ZNF827: variants seen among roughly 807,000 people sequenced by gnomAD.
The protein encoded by ZNF827 is zinc finger protein 827.
ZNF827 carries 13 observed loss-of-function variants against 102.4 expected under a neutral mutation model. That is an observed-to-expected ratio of 0.13 (90% confidence interval 0.08 to 0.20). The LOEUF (loss-of-function observed/expected upper bound fraction) is 0.20, where lower values mean the gene tolerates loss of function less well. Ranked by LOEUF, ZNF827 falls within the 10% of genes least tolerant of loss-of-function variation. ZNF827 has a pLI of 1.00. For synonymous variants in ZNF827, 523 were observed against 536.2 expected (o/e 0.98, Z 0.34); for missense variants, 1,103 against 1,344.4 (o/e 0.82, Z 2.81).
rs1368248573 is a variant in ZNF827 at position 145,846,462 on chromosome 4, A to T, written c.2222-449T>A. On this transcript the variant is annotated intron_variant, in intron 6 of 14. Transcript: ENST00000508784. ...CACTACACTCCAGCCTGAGCAACAG[A>T]GCAAGACTCTGTCTCAAACAAACAA... is the stretch of plus-strand genomic sequence containing the variant. 1.3e-5 allele frequency among the ~76,000 whole-genome samples: 2 copies of T among 149,500 alleles called. 1 individual carries two copies. Among genetic ancestry groups the T allele is most frequent in the East Asian group, 4.0e-4 (2 of 5,016 alleles).
chr4:145,778,315 G>A (rs1407668027), intron 9 of ZNF827, among the ~76,000 whole-genome samples: 2 of 152,154 alleles, frequency 1.3e-5, no homozygotes, highest in African/African-American at 4.8e-5. Context: ...TGTATTTTTA[G>A]TAGAGATGGG....
At chr4:145,794,281 C>T (rs1740149709) in intron 8 of ZNF827, among the ~76,000 whole-genome samples, 1 of 152,174 alleles carries the variant, frequency 6.6e-6, no homozygotes, top group African/African-American at 2.4e-5. Flanking sequence ...CAGTGTATGG[C>T]TGCTTTTTCA....
intron 8 of ZNF827, among the ~76,000 whole-genome samples, chr4:145,809,094 CCCAGCCTAGCGT>C (rs1454531761): frequency 2.0e-5 from 3 of 152,226 alleles, no homozygotes; most frequent in Admixed American, 6.5e-5. Flanking sequence ...AGCCACTGTG[CCCAGCCTAGCGT>C]CATATTTAAA....
At position 145,761,546 on chromosome 4, in the gene ZNF827, G is replaced by A. The variant is rs954140426; in HGVS notation, c.*70C>T. The A allele has an allele frequency of 2.3e-6, 3 of 1,285,382 alleles. No individual in the cohort carries two copies. Among genetic ancestry groups the A allele is most frequent in the Non-Finnish European group, 3.0e-6 (3 of 985,578 alleles). 79.6% of individuals were successfully genotyped at this position (1,285,382 alleles called of 1,614,324 possible). On this transcript the variant is annotated 3_prime_UTR_variant, in exon 15 of 15. Coordinates refer to ENST00000508784, the MANE Select transcript of ZNF827 (RefSeq NM_001306215.2). This position sits in a 1 kb window ranked among gnomAD's most constrained non-coding sequence, Gnocchi z 6.8. ...TACTCCATCTTGTAGTGGGTCTTGAGGTGGCACTCCATGGCAGCGGGGCGG... is the reference window on the plus strand; with the variant it reads ...TACTCCATCTTGTAGTGGGTCTTGAAGTGGCACTCCATGGCAGCGGGGCGG...
intron 7 of ZNF827, among the ~76,000 whole-genome samples, chr4:145,841,443 C>G (rs1285823842): frequency 2.0e-5 from 3 of 152,102 alleles, no homozygotes; most frequent in Admixed American, 6.5e-5. Flanking sequence ...AGAACCTAGG[C>G]TTGTGCTGGG....
At position 145,922,552 on chromosome 4, in the gene ZNF827, T is replaced by C. The variant is rs534493858; in HGVS notation, c.43+15813A>G. ...TGCCAGTTTCACTTAAGAATGTCTT[T>C]GATGAAGCAGTAAAAATTATTTTCA... On this transcript the variant is annotated intron_variant, in intron 1 of 14. Transcript: ENST00000508784. Among the ~76,000 whole-genome samples the C allele has an allele frequency of 7.8e-4, 119 of 152,326 alleles. 1 individual carries two copies. The highest frequency in any genetic ancestry group is 2.7e-3 in the African/African-American group (113 of 41,564).
chr4:145,764,859 C>CT (rs1560887131), intron 13 of ZNF827, 129 bp downstream of exon 13: 2 of 1,293,638 alleles, frequency 1.5e-6, no homozygotes, highest in Non-Finnish European at 2.2e-6. Flanking sequence ...GGGTTCCTGA[C>CT]TAACTCCTCT....
chr4:145,830,198 G>A (rs2126537144), intron 7 of ZNF827, among the ~76,000 whole-genome samples: 1 of 152,128 alleles, frequency 6.6e-6, no homozygotes, highest in East Asian at 1.9e-4. Context: ...GAACAAACCG[G>A]AAATGTTTTC....
intron 2 of ZNF827, among the ~76,000 whole-genome samples, chr4:145,892,998 T>C (rs1750723654): frequency 6.6e-6 from 1 of 152,250 alleles, no homozygotes; most frequent in African/African-American, 2.4e-5. Context: ...CTTGAGCAGA[T>C]GCTGCTGCCA....
intron 8 of ZNF827, among the ~76,000 whole-genome samples, chr4:145,806,184 G>T (rs1741422170): frequency 7.1e-6 from 1 of 141,374 alleles, no homozygotes; most frequent in Non-Finnish European, 1.5e-5. Context: ...TAGGGTCTGG[G>T]TCTGTTGCCC....
At position 145,761,439 on chromosome 4, in the gene ZNF827, G is replaced by A. The variant is rs546384176; in HGVS notation, c.*177C>T. The A allele has an allele frequency of 3.0e-4, 389 of 1,289,894 alleles. 8 individuals carry two copies. In the South Asian group the frequency reaches 4.5e-3, roughly 15 times the overall value. 79.9% of individuals were successfully genotyped at this position (1,289,894 alleles called of 1,614,324 possible). A position where few individuals can be genotyped will look rare whatever the true frequency, so the allele number is the denominator to read the frequency against. On this transcript the variant is annotated 3_prime_UTR_variant, in exon 15 of 15. Coordinates refer to ENST00000508784, the MANE Select transcript of ZNF827 (RefSeq NM_001306215.2). The surrounding 1 kb of genome is among the most constrained non-coding windows in gnomAD (Gnocchi z 6.8). ...GGTAGCCGCACTGGTCGCACTTGTA[G>A]TGGTTGCCCAGGCGGTGCTCCCGGG... is the stretch of plus-strand genomic sequence containing the variant.
intron 1 of ZNF827, among the ~76,000 whole-genome samples, chr4:145,929,771 T>A (rs936081315): frequency 6.6e-6 from 1 of 152,208 alleles, no homozygotes; most frequent in Non-Finnish European, 1.5e-5. Flanking sequence ...ATTTATTAAG[T>A]CCTTTCTATG....
At chr4:145,859,949 G>A (rs919847102) in intron 5 of ZNF827, among the ~76,000 whole-genome samples, 14 of 152,182 alleles carry the variant, frequency 9.2e-5, no homozygotes, top group Non-Finnish European at 1.9e-4. Context: ...AAATGTAGTG[G>A]GATCTAGCAG....
chr4:145,813,964 A>G (rs551744109), intron 8 of ZNF827, among the ~76,000 whole-genome samples: 1 of 152,300 alleles, frequency 6.6e-6, no homozygotes, highest in East Asian at 1.9e-4. Flanking sequence ...TGGAGGGTGA[A>G]GAAGAGGTAA....
chr4:145,820,655 A>G (rs1001533815), intron 8 of ZNF827, among the ~76,000 whole-genome samples: 3 of 151,980 alleles, frequency 2.0e-5, no homozygotes, highest in Non-Finnish European at 4.4e-5. Flanking sequence ...CAACCAGCCA[A>G]CTCATCCTCT....
chr4:145,836,382 G>A (rs1338749872), intron 7 of ZNF827, among the ~76,000 whole-genome samples: 12 of 151,914 alleles, frequency 7.9e-5, no homozygotes, highest in South Asian at 6.3e-4. Context: ...CCTAGCCCTC[G>A]TGTCTGCGTG....
chr4:145,897,993 A>T (rs1751110434), intron 2 of ZNF827, among the ~76,000 whole-genome samples: 1 of 152,074 alleles, frequency 6.6e-6, no homozygotes, highest in South Asian at 2.1e-4. Flanking sequence ...CATCTCTACT[A>T]AAAATACAAA....
chr4:145,788,557 G>T (rs1739221570), intron 8 of ZNF827, among the ~76,000 whole-genome samples: 1 of 152,140 alleles, frequency 6.6e-6, no homozygotes, highest in South Asian at 2.1e-4. Flanking sequence ...CAAGATTAGT[G>T]GGATCCTCTA....
At chr4:145,848,146 T>A (rs1746163865) in intron 6 of ZNF827, among the ~76,000 whole-genome samples, 1 of 152,212 alleles carries the variant, frequency 6.6e-6, no homozygotes, top group Non-Finnish European at 1.5e-5. Flanking sequence ...ATTATTAAAG[T>A]TATATTGTTT....
Sources: gnomAD v4.1 joint callset for allele counts (sites outside exome capture counted in the v4.1 genomes callset) on GRCh38, gnomAD v4.1.1 for gene constraint, Gnocchi (gnomAD v3.1) non-coding constraint, MANE v1.5 for transcripts, NCBI Gene and HGNC (gene_info 2026-07-23, HGNC 2026-07-21) for gene names.